The following CREB5 variants were observed in gnomAD, a reference collection of about 807,000 sequenced individuals.
The protein encoded by CREB5 is cAMP responsive element binding protein 5.
A neutral mutation model predicts 57.1 loss-of-function variants in CREB5; 19 were observed. That is an observed-to-expected ratio of 0.33 (90% confidence interval 0.23 to 0.49). The LOEUF (loss-of-function observed/expected upper bound fraction) is 0.49. Ranked by LOEUF, CREB5 falls within the 20% of genes least tolerant of loss-of-function variation. The probability of loss-of-function intolerance (pLI) is 0.99; values close to 1 mark genes in which losing one functional copy is unlikely to be tolerated. For missense variants in CREB5, 579 were observed against 671.6 expected, an observed-to-expected ratio of 0.86 and a Z score of 1.52; for synonymous variants, 238 against 238.3, an observed-to-expected ratio of 1.00 and a Z score of 0.01.
chr7:28,811,769 G>A (rs1382746546), intron 9 of CREB5, among the ~76,000 whole-genome samples: 1 of 152,136 alleles, frequency 6.6e-6, no homozygotes, highest in Non-Finnish European at 1.5e-5. Flanking sequence ...TTAGTAAGAA[G>A]GCTAAATCAT....
intron 1 of CREB5, among the ~76,000 whole-genome samples, chr7:28,464,603 T>C (rs1177485565): frequency 6.6e-6 from 1 of 151,922 alleles, no homozygotes; most frequent in African/African-American, 2.4e-5. Flanking sequence ...TTGAGTCATT[T>C]TTGGTAGTTT....
chr7:28,507,543 G>C, intron 3 of CREB5, 73 bp from the exon 4 acceptor site: 1 of 1,525,796 alleles, frequency 6.6e-7, no homozygotes, highest in Non-Finnish European at 8.9e-7. Flanking sequence ...GGGGATTAGT[G>C]AATCTAGCTC....
At chr7:28,646,047 G>C (rs1306537585) in intron 5 of CREB5, among the ~76,000 whole-genome samples, 5 of 152,128 alleles carry the variant, frequency 3.3e-5, no homozygotes, top group Non-Finnish European at 7.4e-5. Flanking sequence ...TCTGCTTCAG[G>C]GTTGAACTAG....
intron 1 of CREB5, among the ~76,000 whole-genome samples, chr7:28,443,891 T>C (rs1400119040): frequency 5.9e-5 from 9 of 152,200 alleles, no homozygotes; most frequent in Non-Finnish European, 1.2e-4. Flanking sequence ...CATAGGTCAT[T>C]TACCTGAGAT....
intron 4 of CREB5, among the ~76,000 whole-genome samples, chr7:28,520,180 A>G (rs1409204402): frequency 6.6e-6 from 1 of 152,230 alleles, no homozygotes; most frequent in Non-Finnish European, 1.5e-5. Context: ...CTACTTCAAT[A>G]GAGCCGTGTT....
intron 7 of CREB5, among the ~76,000 whole-genome samples, chr7:28,769,217 T>A (rs988644100): frequency 6.6e-6 from 1 of 152,260 alleles, no homozygotes; most frequent in African/African-American, 2.4e-5. Flanking sequence ...TCAGTGGATA[T>A]CTTGTTTGCT....
intron 9 of CREB5, among the ~76,000 whole-genome samples, chr7:28,816,058 C>CACACACAT (rs1809422333): frequency 1.4e-5 from 2 of 142,560 alleles, no homozygotes; most frequent in African/African-American, 5.3e-5. Flanking sequence ...TATATACGCA[C>CACACACAT]ACACACACAC....
chr7:28,811,235 A>C (rs1809103675), intron 9 of CREB5, among the ~76,000 whole-genome samples: 1 of 152,174 alleles, frequency 6.6e-6, no homozygotes, highest in South Asian at 2.1e-4. Flanking sequence ...TCATAGCTGG[A>C]GTGTCTAAGA....
chr7:28,456,209 C>T (rs991704742), intron 1 of CREB5, among the ~76,000 whole-genome samples: 21 of 150,734 alleles, frequency 1.4e-4, no homozygotes, highest in African/African-American at 5.2e-4. Context: ...CCCTCTGAAG[C>T]ATGTACTAAA....
chr7:28,554,408 C>G (rs574136834), intron 4 of CREB5, among the ~76,000 whole-genome samples: 1 of 152,356 alleles, frequency 6.6e-6, no homozygotes, highest in Non-Finnish European at 1.5e-5. Context: ...TCCTTCCTGT[C>G]TCCCAGCTTG....
At chr7:28,534,239 T>C (rs1793860388) in intron 4 of CREB5, among the ~76,000 whole-genome samples, 2 of 152,310 alleles carry the variant, frequency 1.3e-5, no homozygotes, top group South Asian at 2.1e-4. Context: ...AGTGCAGTCT[T>C]TCAGAGATTA....
At chr7:28,612,028 C>A (rs1365869496) in intron 5 of CREB5, among the ~76,000 whole-genome samples, 2 of 152,148 alleles carry the variant, frequency 1.3e-5, no homozygotes. Flanking sequence ...AAGGACACCA[C>A]GTAGTCAGCT....
chr7:28,350,027 C>T (rs1786156112), intron 1 of CREB5, among the ~76,000 whole-genome samples: 1 of 152,104 alleles, frequency 6.6e-6, no homozygotes, highest in African/African-American at 2.4e-5. Context: ...TATATAGAGG[C>T]AATTAAACAG....
At chr7:28,639,864 A>T (rs534109296) in intron 5 of CREB5, among the ~76,000 whole-genome samples, 1 of 152,308 alleles carries the variant, frequency 6.6e-6, no homozygotes, top group South Asian at 2.1e-4. Context: ...TCCTGCCTGA[A>T]ATTCACAACT....
intron 1 of CREB5, among the ~76,000 whole-genome samples, chr7:28,315,606 C>A (rs1178514501): frequency 6.6e-6 from 1 of 152,150 alleles, no homozygotes; most frequent in African/African-American, 2.4e-5. Flanking sequence ...TTTGTTTTTC[C>A]CTACAGTTTC....
chr7:28,471,994 C>T (rs935683942), intron 1 of CREB5, among the ~76,000 whole-genome samples: 2 of 152,044 alleles, frequency 1.3e-5, no homozygotes, highest in Non-Finnish European at 2.9e-5. Flanking sequence ...ATAAACCAAT[C>T]CTTTACATTT....
chr7:28,728,893 C>G (rs773059795), intron 7 of CREB5, among the ~76,000 whole-genome samples: 1 of 152,100 alleles, frequency 6.6e-6, no homozygotes, highest in Non-Finnish European at 1.5e-5. Flanking sequence ...TGAAAAATAC[C>G]TAAATCTGTC....
chr7:28,583,334 C>T (rs1348199197), intron 5 of CREB5, among the ~76,000 whole-genome samples: 1 of 152,178 alleles, frequency 6.6e-6, no homozygotes, highest in Non-Finnish European at 1.5e-5. Flanking sequence ...CCATCATCAT[C>T]ATGGAAAGTG....
At chr7:28,691,171 G>C (rs1243009295) in intron 5 of CREB5, among the ~76,000 whole-genome samples, 1 of 152,188 alleles carries the variant, frequency 6.6e-6, no homozygotes, top group Non-Finnish European at 1.5e-5. Context: ...TGTAATCCCA[G>C]CACTTTGGGA....
Sources: gnomAD v4.1 joint callset for allele counts (sites outside exome capture counted in the v4.1 genomes callset) on GRCh38, gnomAD v4.1.1 for gene constraint, MANE v1.5 for transcripts, NCBI Gene and HGNC (gene_info 2026-07-23, HGNC 2026-07-21) for gene names.